The following MAF variants were observed in gnomAD, a reference collection of about 807,000 sequenced individuals.
The protein encoded by MAF is transcription factor Maf.
A neutral mutation model predicts 22.0 loss-of-function variants in MAF; 10 were observed. The observed-to-expected ratio is 0.45, with a 90% confidence interval of 0.28 to 0.77. The LOEUF is 0.77. Ranked by LOEUF, MAF falls within the 30% of genes least tolerant of loss-of-function variation. The pLI is 0.12. For missense variants in MAF, 544 were observed against 548.4 expected, an observed-to-expected ratio of 0.99 and a Z score of 0.08; for synonymous variants, 337 against 255.8, an observed-to-expected ratio of 1.32 and a Z score of -3.03.
the MAF span, among the ~76,000 whole-genome samples, chr16:79,501,443 A>G: frequency 6.6e-6 from 1 of 152,164 alleles, no homozygotes; most frequent in East Asian, 1.9e-4. Flanking sequence ...ACACCAGTCA[A>G]GCCACCAGAA....
chr16:79,522,866 C>T, the MAF span, among the ~76,000 whole-genome samples: 1 of 152,194 alleles, frequency 6.6e-6, no homozygotes, highest in Admixed American at 6.5e-5. Flanking sequence ...GTTTCATGAA[C>T]ACCATGCAGT....
the MAF span, chr16:79,204,574 A>T: frequency 6.6e-6 from 1 of 152,212 alleles, no homozygotes; most frequent in Admixed American, 6.5e-5. Flanking sequence ...GAATTCTGGA[A>T]CACGAAGGAG....
the MAF span, among the ~76,000 whole-genome samples, chr16:79,217,391 G>A: frequency 2.0e-5 from 3 of 152,106 alleles, no homozygotes; most frequent in African/African-American, 7.2e-5. Context: ...TATCTGCAAG[G>A]GAAGACCAGT....
chr16:79,302,951 A>G, the MAF span, among the ~76,000 whole-genome samples: 1 of 152,288 alleles, frequency 6.6e-6, no homozygotes, highest in Non-Finnish European at 1.5e-5. Context: ...GACACTCTCC[A>G]ACAAACAAAA....
At chr16:79,385,466 G>T in the MAF span, among the ~76,000 whole-genome samples, 1 of 152,300 alleles carries the variant, frequency 6.6e-6, no homozygotes, top group East Asian at 1.9e-4. Flanking sequence ...CAAAAATGAG[G>T]AAAGGGTTGA....
the MAF span, among the ~76,000 whole-genome samples, chr16:79,565,233 C>T: frequency 6.6e-6 from 1 of 152,150 alleles, no homozygotes; most frequent in South Asian, 2.1e-4. Context: ...GCCCAATTAC[C>T]TGTTTTTGTG....
the MAF span, among the ~76,000 whole-genome samples, chr16:79,399,293 C>G: frequency 0.017 from 2,655 of 152,262 alleles, 76 homozygotes; most frequent in African/African-American, 0.06. Flanking sequence ...TTGTAAAGTG[C>G]TCATGACAAG....
chr16:79,570,980 C>T, the MAF span, among the ~76,000 whole-genome samples: 1 of 152,146 alleles, frequency 6.6e-6, no homozygotes, highest in Non-Finnish European at 1.5e-5. Flanking sequence ...TTCTAGCATT[C>T]TCATCTGAAA....
the MAF span, among the ~76,000 whole-genome samples, chr16:79,220,991 G>A: frequency 6.6e-6 from 1 of 152,222 alleles, no homozygotes; most frequent in African/African-American, 2.4e-5. Context: ...CAGGAGCATT[G>A]TGTCAGCGAA....
the MAF span, among the ~76,000 whole-genome samples, chr16:79,486,500 C>G: frequency 6.6e-6 from 1 of 152,120 alleles, no homozygotes. Context: ...TTTCATATCA[C>G]CCTGATTTCA....
the MAF span, among the ~76,000 whole-genome samples, chr16:79,349,159 C>A: frequency 6.6e-6 from 1 of 152,200 alleles, no homozygotes; most frequent in African/African-American, 2.4e-5. Flanking sequence ...AAAAAGGAGG[C>A]TCAGAGACGT....
chr16:79,515,147 A>G, the MAF span, among the ~76,000 whole-genome samples: 1 of 152,342 alleles, frequency 6.6e-6, no homozygotes, highest in African/African-American at 2.4e-5. Context: ...CCTGACACAG[A>G]CTTCACTGTG....
chr16:79,262,355 G>A, the MAF span, among the ~76,000 whole-genome samples: 1 of 152,138 alleles, frequency 6.6e-6, no homozygotes, highest in East Asian at 1.9e-4. Flanking sequence ...AGACCTCTGG[G>A]CTCTGTGCCT....
the MAF span, among the ~76,000 whole-genome samples, chr16:79,378,277 T>C: frequency 6.6e-6 from 1 of 152,168 alleles, no homozygotes; most frequent in Non-Finnish European, 1.5e-5. Context: ...CAAAATGGAA[T>C]ACTATACAGC....
rs553153887 is a variant in MAF, at chr16:79,586,453, G to C, written c.1119-512C>G. On this transcript the variant is annotated intron_variant, in intron 1 of 1. Transcript: ENST00000569649. ...CTTTGTCTATCCTGCTGGCACCACT[G>C]ACCTTAACTGCAAATGTTCTTTTAA... Among the ~76,000 whole-genome samples the C allele has an allele frequency of 1.2e-4, 18 of 152,286 alleles. No homozygotes were observed. The South Asian group carries it at 3.1e-3, about 26-fold the overall frequency.
At chr16:79,240,942 G>C in the MAF span, among the ~76,000 whole-genome samples, 1 of 151,988 alleles carries the variant, frequency 6.6e-6, no homozygotes, top group Non-Finnish European at 1.5e-5. Context: ...CAGCAGACCT[G>C]GAGGGGCCTT....
At chr16:79,374,146 C>T in the MAF span, among the ~76,000 whole-genome samples, 2 of 152,172 alleles carry the variant, frequency 1.3e-5, no homozygotes, top group African/African-American at 2.4e-5. Flanking sequence ...GTCTTTGACC[C>T]AAAGGCAATC....
chr16:79,245,660 G>C, the MAF span, among the ~76,000 whole-genome samples: 2 of 151,964 alleles, frequency 1.3e-5, no homozygotes, highest in African/African-American at 4.8e-5. Flanking sequence ...AATTCCTCAA[G>C]GACCTAGAAC....
chr16:79,397,853 G>T, the MAF span, among the ~76,000 whole-genome samples: 1 of 152,170 alleles, frequency 6.6e-6, no homozygotes, highest in Non-Finnish European at 1.5e-5. Context: ...CCCCAGCCAG[G>T]GTGCTGCTGA....
Sources: gnomAD v4.1 joint callset for allele counts (sites outside exome capture counted in the v4.1 genomes callset) on GRCh38, gnomAD v4.1.1 for gene constraint, MANE v1.5 for transcripts, NCBI Gene and HGNC (gene_info 2026-07-23, HGNC 2026-07-21) for gene names.